ABLIM2: variants seen among roughly 807,000 people sequenced by gnomAD.
The protein encoded by ABLIM2 is actin-binding LIM protein 2.
In ABLIM2, 53 loss-of-function variants were observed where a neutral mutation model predicts 97.7. The observed-to-expected ratio is 0.54, with a 90% CI of 0.44 to 0.68. ABLIM2 has a LOEUF of 0.68. Among genes scored for constraint, ABLIM2 ranks in the 30% least tolerant of loss-of-function variants. The probability of loss-of-function intolerance (pLI) is 0.00; values close to 1 mark genes in which losing one functional copy is unlikely to be tolerated. For missense variants in ABLIM2, 835 were observed against 867.2 expected (o/e 0.96, Z 0.47); for synonymous variants, 361 against 345.8 (o/e 1.04, Z -0.49).
In ABLIM2 at chr4:8,150,372, G is replaced by A. The variant is rs1578546260; in HGVS notation, c.10+8308C>T. ...CATCCTCCACTCCTTGGGTGTTCAC[G>A]AAATGCCTCCTCTCATTCTACCTGA... is the stretch of plus-strand genomic sequence containing the variant. On this transcript the variant is annotated intron_variant, in intron 1 of 20. Coordinates refer to ENST00000447017, the MANE Select transcript of ABLIM2 (RefSeq NM_001130083.2). This position sits in a 1 kb window ranked among gnomAD's most constrained non-coding sequence, Gnocchi z 6.3. Among the ~76,000 whole-genome samples, 3 of 152,174 alleles carry A rather than the reference G, an allele frequency of 2.0e-5. No individual in the cohort carries two copies. The highest frequency in any genetic ancestry group is 4.1e-4 in the South Asian group (2 of 4,832).
In ABLIM2 at chr4:8,068,188, G is replaced by T. The variant is rs1364003028; in HGVS notation, c.676-7134C>A. ...CAGTGGGCGCACGGCTCCCCAGGCA[G>T]GCGGAAGTCCCACCCTCGCCCGCGT... On this transcript the variant is annotated intron_variant, in intron 6 of 20. Transcript: ENST00000447017. The surrounding 1 kb of genome is among the most constrained non-coding windows in gnomAD (Gnocchi z 4.5). Among the ~76,000 whole-genome samples, 1 of 152,186 alleles carries T rather than the reference G, an allele frequency of 6.6e-6. No homozygotes were observed. Among genetic ancestry groups the T allele is most frequent in the Admixed American group, 6.5e-5 (1 of 15,276 alleles).
At position 8,140,089 on chromosome 4, in the gene ABLIM2, C is replaced by T. The variant is rs10028100; in HGVS notation, c.10+18591G>A. 0.28 allele frequency among the ~76,000 whole-genome samples: 35,965 copies of T among 128,024 alleles called. 6,210 individuals are homozygous for T. The highest frequency in any genetic ancestry group is 0.53 in the African/African-American group (18,161 of 34,410). 84.0% of individuals were successfully genotyped at this position (128,024 alleles called of 152,430 possible). A position where few individuals can be genotyped will look rare whatever the true frequency, so the allele number is the denominator to read the frequency against. On this transcript the variant is annotated intron_variant, in intron 1 of 20. Transcript: ENST00000447017. The surrounding 1 kb of genome is among the most constrained non-coding windows in gnomAD (Gnocchi z 5.9). Reference sequence around the variant, plus strand: ...GAAACGGGGAGACGAACAACACACACTAGGGCCTGTCAGAGGGGTGGGGGG... The same window carrying T: ...GAAACGGGGAGACGAACAACACACATTAGGGCCTGTCAGAGGGGTGGGGGG...
chr4:8,043,116 C>T lies in ABLIM2; in HGVS notation c.900+2048G>A, dbSNP rs1054586091. Among the ~76,000 whole-genome samples, 4 of 152,150 alleles carry T rather than the reference C, an allele frequency of 2.6e-5. No homozygotes were observed. The highest frequency in any genetic ancestry group is 5.9e-5 in the Non-Finnish European group (4 of 68,028). On this transcript the variant is annotated intron_variant, in intron 9 of 20. Coordinates refer to ENST00000447017, the MANE Select transcript of ABLIM2 (RefSeq NM_001130083.2). This position sits in a 1 kb window ranked among gnomAD's most constrained non-coding sequence, Gnocchi z 4.8. Reference sequence around the variant, plus strand: ...GCCATGAGCCATGATCTCACCACTGCACTCCAGCCTGGGCGACAGAGCCAG... The same window carrying T: ...GCCATGAGCCATGATCTCACCACTGTACTCCAGCCTGGGCGACAGAGCCAG...
rs1453827018 is a variant in ABLIM2, at chr4:8,091,389, T to C, written c.339-3105A>G. ...TTATATTACATATAATTATATTATA[T>C]ATAATTATATGTAATATATAATTAT... On this transcript the variant is annotated intron_variant, in intron 3 of 20. Transcript: ENST00000447017. Among the ~76,000 whole-genome samples the C allele has an allele frequency of 3.0e-5, 2 of 65,956 alleles. 1 individual carries two copies. Among genetic ancestry groups the C allele is most frequent in the Non-Finnish European group, 5.5e-5 (2 of 36,690 alleles). 43.3% of individuals were successfully genotyped at this position (65,956 alleles called of 152,430 possible).
intron 14 of ABLIM2, chr4:8,010,395 G>C: frequency 1.0e-6 from 1 of 985,846 alleles, no homozygotes; most frequent in African/African-American, 1.7e-5. Context: ...GAAGACCCAG[G>C]CCTCAGGAAG....
At position 8,075,755 on chromosome 4, in the gene ABLIM2, C is replaced by G. The variant is rs770727183; in HGVS notation, c.675+1873G>C. Among the ~76,000 whole-genome samples the G allele has an allele frequency of 1.3e-5, 2 of 152,144 alleles. No homozygotes were observed. The highest frequency in any genetic ancestry group is 2.4e-5 in the African/African-American group (1 of 41,426). On this transcript the variant is annotated intron_variant, in intron 6 of 20. Coordinates refer to ENST00000447017, the MANE Select transcript of ABLIM2 (RefSeq NM_001130083.2). This position sits in a 1 kb window ranked among gnomAD's most constrained non-coding sequence, Gnocchi z 4.4. ...TAAATGGGCAAATTGTGAACTCTAT[C>G]TCAATGAAGCTATTTAAAAAGACCC... is the stretch of plus-strand genomic sequence containing the variant.
chr4:7,967,207 G>T (rs1303980163), intron 20 of ABLIM2, 104 bp from the exon 21 acceptor site: 12 of 943,880 alleles, frequency 1.3e-5, no homozygotes, highest in Non-Finnish European at 2.0e-5. Flanking sequence ...GGATTGCATT[G>T]AGGATGGGGT....
intron 3 of ABLIM2, among the ~76,000 whole-genome samples, chr4:8,089,630 G>C (rs371857637): frequency 1.3e-5 from 2 of 151,076 alleles, no homozygotes; most frequent in African/African-American, 4.9e-5. Flanking sequence ...AGCTACTTGA[G>C]AGGGTGAGGC....
chr4:8,121,665 C>T (rs1289926383), intron 1 of ABLIM2, among the ~76,000 whole-genome samples: 2 of 152,238 alleles, frequency 1.3e-5, no homozygotes, highest in Admixed American at 1.3e-4. Context: ...TGCCTTGAGC[C>T]AGAGTGGCCA....
At position 8,085,753 on chromosome 4, in the gene ABLIM2, A is replaced by AG. The variant is rs1823154386; in HGVS notation, c.454+2415dup. 6.6e-6 allele frequency among the ~76,000 whole-genome samples: 1 copy of AG among 152,058 alleles called. No homozygotes were observed. Among genetic ancestry groups the AG allele is most frequent in the Non-Finnish European group, 1.5e-5 (1 of 67,992 alleles). ...GGGGGGTGCACCCAGCACATTTCAC[A>AG]GGTGTTTAGTCTTTGTACTCATCTG... is the stretch of plus-strand genomic sequence containing the variant. On this transcript the variant is annotated intron_variant, in intron 4 of 20. Transcript: ENST00000447017. The surrounding 1 kb of genome is among the most constrained non-coding windows in gnomAD (Gnocchi z 6.1).
chr4:8,059,893 C>A, intron 7 of ABLIM2, among the ~76,000 whole-genome samples: 2 of 133,272 alleles, frequency 1.5e-5, no homozygotes, highest in South Asian at 2.4e-4. Context: ...GGCAACAGAG[C>A]AAGACTCTGT....
At chr4:8,098,713 C>T (rs1229912694) in intron 2 of ABLIM2, among the ~76,000 whole-genome samples, 1 of 152,214 alleles carries the variant, frequency 6.6e-6, no homozygotes, top group African/African-American at 2.4e-5. Context: ...TCCTTAACCT[C>T]TCTGGGCCTC....
In ABLIM2 at chr4:7,984,635, C is replaced by T. The variant is rs188031331; in HGVS notation, c.1735+204G>A. ...GCCATGGATGGGACAGAGGGAGCAT[C>T]GCGGGTAAAGCTAGCTTGGAGTGGA... On this transcript the variant is annotated intron_variant, in intron 18 of 20. Coordinates refer to ENST00000447017, the MANE Select transcript of ABLIM2 (RefSeq NM_001130083.2). Among the ~76,000 whole-genome samples, 561 of 152,324 alleles carry T rather than the reference C, an allele frequency of 3.7e-3. 4 individuals are homozygous for T. The highest frequency in any genetic ancestry group is 5.6e-3 in the Non-Finnish European group (384 of 68,024).
At chr4:7,977,582 G>T (rs1734519182) in intron 20 of ABLIM2, among the ~76,000 whole-genome samples, 1 of 152,088 alleles carries the variant, frequency 6.6e-6, no homozygotes, top group South Asian at 2.1e-4. Context: ...CAGAGGTCGG[G>T]AGTTTGAGAC....
chr4:7,984,419 T>A (rs1741673745), intron 18 of ABLIM2, among the ~76,000 whole-genome samples: 1 of 152,178 alleles, frequency 6.6e-6, no homozygotes, highest in East Asian at 1.9e-4. Context: ...GCCGCTCTGG[T>A]AACACAAACC....
rs1723271801 is a variant in ABLIM2, at chr4:7,966,913, GA to G, written c.*76del. On this transcript the variant is annotated 3_prime_UTR_variant, in exon 21 of 21. Coordinates refer to ENST00000447017, the MANE Select transcript of ABLIM2 (RefSeq NM_001130083.2). ...AGAGAAGCCAGAGCAAGGTGTGTGG[GA>G]GGGGTGTGTGCGGTTCTCGCCAGGG... is the stretch of plus-strand genomic sequence containing the variant. The G allele has an allele frequency of 1.2e-6, 1 of 856,898 alleles. No homozygotes were observed. 53.1% of individuals were successfully genotyped at this position (856,898 alleles called of 1,614,324 possible).
rs563229256 is a variant in ABLIM2, at chr4:8,113,720, A to G, written c.11-7083T>C. ...CCCGTCTGCTGTTTGTATCATCCAA[A>G]CGGCTGGCTTGGGGTTTCCAAATGT... On this transcript the variant is annotated intron_variant, in intron 1 of 20. Transcript: ENST00000447017. The surrounding 1 kb of genome is among the most constrained non-coding windows in gnomAD (Gnocchi z 4.5). Among the ~76,000 whole-genome samples, 49 of 152,204 alleles carry G rather than the reference A, an allele frequency of 3.2e-4. No individual in the cohort carries two copies. The highest frequency in any genetic ancestry group is 1.2e-3 in the African/African-American group (48 of 41,540).
chr4:8,018,543 T>G (rs1027727686), intron 14 of ABLIM2, among the ~76,000 whole-genome samples: 1 of 152,216 alleles, frequency 6.6e-6, no homozygotes, highest in Non-Finnish European at 1.5e-5. Flanking sequence ...TCAAGACATT[T>G]CATTCACTTT....
rs1846306405 is a variant in ABLIM2, at chr4:8,123,299, G to A, written c.11-16662C>T. ...ATCTCCAACTGGCATGAGAGGCGTT[G>A]TCACCCTCAGGCTGCAGGCAAGGGA... is the stretch of plus-strand genomic sequence containing the variant. On this transcript the variant is annotated intron_variant, in intron 1 of 20. Coordinates refer to ENST00000447017, the MANE Select transcript of ABLIM2 (RefSeq NM_001130083.2). The surrounding 1 kb of genome is among the most constrained non-coding windows in gnomAD (Gnocchi z 6.2). Among the ~76,000 whole-genome samples the A allele has an allele frequency of 6.6e-6, 1 of 152,162 alleles. No homozygotes were observed. The highest frequency in any genetic ancestry group is 2.4e-5 in the African/African-American group (1 of 41,428).
Sources: allele counts gnomAD v4.1 joint callset (sites outside exome capture counted in the v4.1 genomes callset), GRCh38; gene constraint gnomAD v4.1.1; non-coding constraint Gnocchi (gnomAD v3.1); transcripts MANE v1.5; gene names NCBI Gene and HGNC (gene_info 2026-07-23, HGNC 2026-07-21).